Variants in CALN1 observed in about 807,000 individuals in gnomAD.
CALN1 encodes the protein calneuron 1.
Under a neutral mutation model 30.6 loss-of-function variants are expected in CALN1, and 17 were observed. The ratio of observed to expected loss-of-function variants is 0.56; its 90% CI spans 0.38 to 0.83. The LOEUF is 0.83. Among genes scored for constraint, CALN1 ranks in the 40% least tolerant of loss-of-function variants. The pLI is 0.00. For synonymous variants in CALN1, 156 were observed against 131.4 expected (o/e 1.19, Z -1.28); for missense variants, 291 against 354.9 (o/e 0.82, Z 1.45).
At chr7:71,969,143 G>A (rs1292845774) in intron 5 of CALN1, among the ~76,000 whole-genome samples, 1 of 152,092 alleles carries the variant, frequency 6.6e-6, no homozygotes, top group East Asian at 1.9e-4. Context: ...TTCATGTGGA[G>A]TCAAAGAAGA....
At chr7:72,151,043 T>C (rs1275215651) in intron 3 of CALN1, among the ~76,000 whole-genome samples, 1 of 152,166 alleles carries the variant, frequency 6.6e-6, no homozygotes, top group Non-Finnish European at 1.5e-5. Context: ...ATCTCCCTGG[T>C]TAGATTCTCA....
chr7:72,365,340 G>T (rs543314140), intron 2 of CALN1, among the ~76,000 whole-genome samples: 1 of 151,602 alleles, frequency 6.6e-6, no homozygotes, highest in Non-Finnish European at 1.5e-5. Context: ...CTCAAAAGAA[G>T]AAAAAAATAA....
intron 3 of CALN1, among the ~76,000 whole-genome samples, chr7:72,168,829 G>A (rs1788729411): frequency 7.2e-6 from 1 of 138,632 alleles, no homozygotes; most frequent in Non-Finnish European, 1.6e-5. Flanking sequence ...TTTTGAGATG[G>A]AGTTTCACTC....
chr7:72,365,548 A>AG (rs963079884), intron 2 of CALN1, among the ~76,000 whole-genome samples: 5 of 152,070 alleles, frequency 3.3e-5, no homozygotes, highest in Non-Finnish European at 7.3e-5. Flanking sequence ...TCCTACCTTA[A>AG]ACTCCTATGT....
At chr7:72,336,975 G>A (rs888914146) in intron 2 of CALN1, 11 of 985,124 alleles carry the variant, frequency 1.1e-5, no homozygotes, top group East Asian at 1.1e-4. Flanking sequence ...CGATCTGGGC[G>A]CGTGCCTCCC....
At chr7:71,880,903 C>G (rs1367441200) in intron 5 of CALN1, among the ~76,000 whole-genome samples, 1 of 152,078 alleles carries the variant, frequency 6.6e-6, no homozygotes, top group African/African-American at 2.4e-5. Flanking sequence ...TTGACGCATG[C>G]AAAGTATTAT....
chr7:72,296,701 T>C (rs1436998642), intron 2 of CALN1, among the ~76,000 whole-genome samples: 166 of 147,758 alleles, frequency 1.1e-3, no homozygotes, highest in African/African-American at 4.0e-3. Flanking sequence ...GTGGGATCGG[T>C]GGTGATATCC....
At chr7:71,993,455 C>CTTT (rs34736851) in intron 5 of CALN1, among the ~76,000 whole-genome samples, 6 of 133,854 alleles carry the variant, frequency 4.5e-5, no homozygotes, top group Admixed American at 7.6e-5. Flanking sequence ...AACAATGAGG[C>CTTT]TTTTTTTTTT....
intron 2 of CALN1, among the ~76,000 whole-genome samples, chr7:72,293,516 A>C (rs753623168): frequency 2.6e-5 from 4 of 152,186 alleles, no homozygotes; most frequent in Non-Finnish European, 5.9e-5. Context: ...CCTTTTGGCC[A>C]AATCAGTCAG....
chr7:72,118,700 T>C (rs1354318510), intron 3 of CALN1, among the ~76,000 whole-genome samples: 2 of 95,200 alleles, frequency 2.1e-5, no homozygotes, highest in African/African-American at 7.9e-5. Context: ...GATTTAAATA[T>C]GTATGAGAGT....
chr7:72,319,142 T>C (rs2129557116), intron 2 of CALN1, among the ~76,000 whole-genome samples: 1 of 152,330 alleles, frequency 6.6e-6, no homozygotes, highest in African/African-American at 2.4e-5. Flanking sequence ...TAAGTGTCCA[T>C]CAATCGAGGA....
At chr7:72,277,500 C>G (rs1168872725) in intron 3 of CALN1, among the ~76,000 whole-genome samples, 2 of 152,212 alleles carry the variant, frequency 1.3e-5, no homozygotes, top group African/African-American at 4.8e-5. Flanking sequence ...GATTCTGCCC[C>G]AATCACTCCA....
intron 3 of CALN1, among the ~76,000 whole-genome samples, chr7:72,140,621 T>A (rs547970697): frequency 1.3e-4 from 20 of 152,358 alleles, no homozygotes; most frequent in Admixed American, 4.6e-4. Flanking sequence ...TCTGGGCCTA[T>A]GTGGCCTATG....
chr7:72,093,626 G>C (rs10950295), intron 4 of CALN1, among the ~76,000 whole-genome samples: 31,259 of 152,126 alleles, frequency 0.21, 3,506 homozygotes, highest in East Asian at 0.28. Context: ...TGGTAACGAT[G>C]ATGACTACCA....
chr7:71,960,187 TAAAATA>T, intron 5 of CALN1, among the ~76,000 whole-genome samples: 3 of 148,700 alleles, frequency 2.0e-5, no homozygotes, highest in Non-Finnish European at 3.0e-5. Context: ...ATAAATAAAA[TAAAATA>T]AAAAAATAAA....
At chr7:72,083,001 G>A (rs1412660219) in intron 4 of CALN1, among the ~76,000 whole-genome samples, 1 of 151,864 alleles carries the variant, frequency 6.6e-6, no homozygotes, top group African/African-American at 2.4e-5. Flanking sequence ...AGGAGTTCGA[G>A]ACCAGCCTGG....
intron 2 of CALN1, among the ~76,000 whole-genome samples, chr7:72,382,294 C>T (rs1385086808): frequency 1.3e-5 from 2 of 151,840 alleles, no homozygotes; most frequent in East Asian, 1.9e-4. Context: ...TGATGATGAA[C>T]GATGAGAAAG....
chr7:71,918,358 C>T (rs540897767), intron 5 of CALN1, among the ~76,000 whole-genome samples: 11 of 152,272 alleles, frequency 7.2e-5, no homozygotes, highest in Admixed American at 6.5e-4. Context: ...ATCAGGATTT[C>T]TCAATAATGA....
intron 2 of CALN1, 36 bp from the exon 3 acceptor site, chr7:72,278,846 ACAT>A: frequency 6.3e-7 from 1 of 1,584,724 alleles, no homozygotes. Context: ...GAAAAGAAAG[ACAT>A]CATCATTCAT....
Sources: gnomAD v4.1 joint callset for allele counts (sites outside exome capture counted in the v4.1 genomes callset) on GRCh38, gnomAD v4.1.1 for gene constraint, MANE v1.5 for transcripts, NCBI Gene and HGNC (gene_info 2026-07-23, HGNC 2026-07-21) for gene names.